The following SNTB2 variants were observed in gnomAD, a reference collection of about 807,000 sequenced individuals.
SNTB2 encodes the protein beta-2-syntrophin.
Under a neutral mutation model 46.2 loss-of-function variants are expected in SNTB2, and 34 were observed. The observed-to-expected ratio is 0.74, with a 90% CI of 0.56 to 0.98. SNTB2 has a LOEUF of 0.98. Ranked by LOEUF, SNTB2 falls within the 50% of genes least tolerant of loss-of-function variation. The probability of loss-of-function intolerance (pLI) is 0.00; values close to 1 mark genes in which losing one functional copy is unlikely to be tolerated. For missense variants in SNTB2, 603 were observed against 731.4 expected, an observed-to-expected ratio of 0.82 and a Z score of 2.02; for synonymous variants, 290 against 312.6, an observed-to-expected ratio of 0.93 and a Z score of 0.76.
At chr16:69,240,139 A>C (rs935317991) in intron 1 of SNTB2, among the ~76,000 whole-genome samples, 4 of 152,192 alleles carry the variant, frequency 2.6e-5, no homozygotes, top group African/African-American at 9.7e-5. Context: ...CTAGAATTTC[A>C]TTAAATTATT....
intron 4 of SNTB2, among the ~76,000 whole-genome samples, chr16:69,270,943 T>G (rs1246666696): frequency 6.6e-6 from 1 of 152,206 alleles, no homozygotes; most frequent in African/African-American, 2.4e-5. Context: ...GGTGTTGATA[T>G]AACTCAAAAA....
rs1335744162 is a variant in SNTB2, at chr16:69,261,324, A to C, written c.1005+1064A>C. ...ATAGTTCTAACTTTTTTTTTTTTTA[A>C]GTTGAGGTTGATTTTATTTGAGGAG... On this transcript the variant is annotated intron_variant, in intron 3 of 6. Coordinates refer to ENST00000336278, the MANE Select transcript of SNTB2 (RefSeq NM_006750.4). 2.7e-5 allele frequency among the ~76,000 whole-genome samples: 4 copies of C among 145,814 alleles called. No individual in the cohort carries two copies. In the East Asian group the frequency reaches 7.9e-4, roughly 29 times the overall value.
chr16:69,237,603 C>CTTTCTT (rs764253701), intron 1 of SNTB2, among the ~76,000 whole-genome samples: 42 of 118,772 alleles, frequency 3.5e-4, no homozygotes, highest in African/African-American at 1.1e-3. Flanking sequence ...TTCTTTCTTT[C>CTTTCTT]TTTTTTTTTT....
intron 1 of SNTB2, among the ~76,000 whole-genome samples, chr16:69,233,654 G>C (rs1006875052): frequency 7.2e-5 from 11 of 152,018 alleles, no homozygotes; most frequent in African/African-American, 2.7e-4. Context: ...TGCTGAAAAA[G>C]ATGTTCAGTG....
chr16:69,212,576 A>T (rs959772772), intron 1 of SNTB2, among the ~76,000 whole-genome samples: 3 of 152,098 alleles, frequency 2.0e-5, no homozygotes, highest in African/African-American at 7.2e-5. Context: ...TGACTTCATG[A>T]TCCACCCACC....
chr16:69,248,727 A>T (rs1964695198), intron 2 of SNTB2, among the ~76,000 whole-genome samples: 1 of 152,162 alleles, frequency 6.6e-6, no homozygotes, highest in African/African-American at 2.4e-5. Flanking sequence ...TGGGAGGCTG[A>T]GGCAGGAGGA....
chr16:69,215,410 G>A (rs1964336594), intron 1 of SNTB2, among the ~76,000 whole-genome samples: 1 of 152,100 alleles, frequency 6.6e-6, no homozygotes, highest in South Asian at 2.1e-4. Context: ...AGAAAAGTGA[G>A]ATGTTTCCTA....
Position 69,187,747 on chromosome 16 carries a change from G to C in SNTB2, c.580+1G>C. The C allele has an allele frequency of 7.0e-7, 1 of 1,433,976 alleles. No individual in the cohort carries two copies. Among genetic ancestry groups the C allele is most frequent in the South Asian group, 1.3e-5 (1 of 76,086 alleles). The allele number at this position is 1,433,976 out of a possible 1,614,324, so 88.8% of individuals were successfully genotyped here. Reference sequence around the variant, plus strand: ...GCGGGCAAGGAGGTGCTGCTGGAGGGTGAGCGGGGCCGGGCGGGAGGGTGG... The same window carrying C: ...GCGGGCAAGGAGGTGCTGCTGGAGGCTGAGCGGGGCCGGGCGGGAGGGTGG... On this transcript the variant is annotated splice_donor_variant, in intron 1 of 6. Coordinates refer to ENST00000336278, the MANE Select transcript of SNTB2 (RefSeq NM_006750.4). LOFTEE classifies it high-confidence loss of function.
intron 3 of SNTB2, among the ~76,000 whole-genome samples, chr16:69,263,259 A>G (rs1236342809): frequency 6.6e-6 from 1 of 151,490 alleles, no homozygotes; most frequent in African/African-American, 2.4e-5. Context: ...GGCACATACC[A>G]CCACACCAAG....
chr16:69,246,544 C>T (rs1483001372), intron 2 of SNTB2, among the ~76,000 whole-genome samples: 4 of 145,654 alleles, frequency 2.7e-5, no homozygotes, highest in Non-Finnish European at 6.0e-5. Context: ...TGTCTCTGCC[C>T]GGCTTTGGTA....
At position 69,301,089 on chromosome 16, in the gene SNTB2, T is replaced by G. The variant is rs1965274505; in HGVS notation, c.*165T>G. 1.7e-6 allele frequency: 1 copy of G among 574,906 alleles called. No individual in the cohort carries two copies. Among genetic ancestry groups the G allele is most frequent in the Non-Finnish European group, 3.1e-6 (1 of 320,290 alleles). The allele number at this position is 574,906 out of a possible 1,614,324, so 35.6% of individuals were successfully genotyped here. A position where few individuals can be genotyped will look rare whatever the true frequency, so the allele number is the denominator to read the frequency against. On this transcript the variant is annotated 3_prime_UTR_variant, in exon 7 of 7. Transcript: ENST00000336278. ...ACCGTGTTTAAAGAAGAGCCTACCT[T>G]TCACAGTCTACCTTGGCCAGATATT...
At chr16:69,231,446 G>T (rs889717889) in intron 1 of SNTB2, among the ~76,000 whole-genome samples, 2 of 152,090 alleles carry the variant, frequency 1.3e-5, no homozygotes, top group Non-Finnish European at 2.9e-5. Flanking sequence ...AAAATTAGCT[G>T]GGCATGGTGG....
At chr16:69,210,835 A>G (rs1176659130) in intron 1 of SNTB2, among the ~76,000 whole-genome samples, 2 of 152,136 alleles carry the variant, frequency 1.3e-5, no homozygotes, top group Non-Finnish European at 2.9e-5. Context: ...CCTACTAAAA[A>G]TACAAAAATT....
intron 1 of SNTB2, among the ~76,000 whole-genome samples, chr16:69,205,022 T>G (rs776133129): frequency 1.3e-5 from 2 of 152,186 alleles, no homozygotes; most frequent in Non-Finnish European, 2.9e-5. Flanking sequence ...GTATGCAGAG[T>G]AGAACTCCTT....
At chr16:69,244,225 A>G (rs114548658) in intron 1 of SNTB2, among the ~76,000 whole-genome samples, 3,498 of 152,292 alleles carry the variant, frequency 0.023, 136 homozygotes, top group African/African-American at 0.08. Context: ...AGAATGAGCT[A>G]TCAACTATTA....
Position 69,305,268 on chromosome 16 carries a change from A to G in SNTB2, c.*4344A>G, listed in dbSNP as rs1441496371. Reference sequence around the variant, plus strand: ...AGGCCTACCTGCTTAAGAATTAAACATTTTTGAAACTTTCAGGGAAGACCT... The same window carrying G: ...AGGCCTACCTGCTTAAGAATTAAACGTTTTTGAAACTTTCAGGGAAGACCT... On this transcript the variant is annotated 3_prime_UTR_variant, in exon 7 of 7. Coordinates refer to ENST00000336278, the MANE Select transcript of SNTB2 (RefSeq NM_006750.4). The G allele has an allele frequency of 6.6e-6, 1 of 152,636 alleles. No individual in the cohort carries two copies. Among genetic ancestry groups the G allele is most frequent in the Non-Finnish European group, 1.5e-5 (1 of 68,046 alleles). 9.5% of individuals were successfully genotyped at this position (152,636 alleles called of 1,614,324 possible). A position where few individuals can be genotyped will look rare whatever the true frequency, so the allele number is the denominator to read the frequency against.
intron 2 of SNTB2, among the ~76,000 whole-genome samples, chr16:69,255,896 GT>G (rs1027569228): frequency 6.7e-6 from 1 of 150,080 alleles, no homozygotes; most frequent in African/African-American, 2.5e-5. Flanking sequence ...AAAAAAATTG[GT>G]TGGGGTGGGG....
In SNTB2 at chr16:69,187,195, C is replaced by T. The variant is rs1963996157; in HGVS notation, c.29C>T (p.Ala10Val). The T allele has an allele frequency of 7.2e-7, 1 of 1,384,362 alleles. No homozygotes were observed. The allele number at this position is 1,384,362 out of a possible 1,614,324, so 85.8% of individuals were successfully genotyped here. MRVAAATAAAGAGPAMAVWT... is the reference protein window; with the variant it reads MRVAAATAAVGAGPAMAVWT... ...AGGGTAGCTGCGGCGACTGCGGCGG[C>T]TGGAGCGGGGCCGGCCATGGCGGTG... is the stretch of plus-strand genomic sequence containing the variant. The change falls in exon 1 of 7, where the codon GCT becomes GTT. Residue 10 changes from alanine to valine, a missense_variant. This residue lies in a region of SNTB2 where 66 missense variants were observed against 39.0 expected (regional missense o/e 1.69). Coordinates refer to ENST00000336278, the MANE Select transcript of SNTB2 (RefSeq NM_006750.4).
At chr16:69,251,364 G>T (rs943938306) in intron 2 of SNTB2, among the ~76,000 whole-genome samples, 2 of 146,292 alleles carry the variant, frequency 1.4e-5, no homozygotes, top group African/African-American at 5.1e-5. Context: ...TTTTTGTAAT[G>T]TCCTATTTTT....
Sources: gnomAD v4.1 joint callset for allele counts (sites outside exome capture counted in the v4.1 genomes callset) on GRCh38, gnomAD v4.1.1 for gene constraint, gnomAD v4.1.1 regional missense constraint, MANE v1.5 for transcripts, NCBI Gene and HGNC (gene_info 2026-07-23, HGNC 2026-07-21) for gene names.